SEMA3A: variants seen among roughly 807,000 people sequenced by gnomAD.
SEMA3A encodes the protein semaphorin-3A.
A neutral mutation model predicts 97.9 loss-of-function variants in SEMA3A; 29 were observed. That is an observed-to-expected ratio of 0.30 (90% confidence interval 0.22 to 0.40). SEMA3A has a LOEUF of 0.40. Among genes scored for constraint, SEMA3A ranks in the 10% least tolerant of loss-of-function variants. The probability of loss-of-function intolerance (pLI) is 1.00; values close to 1 mark genes in which losing one functional copy is unlikely to be tolerated. For missense variants in SEMA3A, 763 were observed against 951.3 expected (o/e 0.80, Z 2.60); for synonymous variants, 321 against 323.7 (o/e 0.99, Z 0.09).
chr7:84,027,254 T>A (rs746064550), intron 6 of SEMA3A, among the ~76,000 whole-genome samples: 12 of 152,198 alleles, frequency 7.9e-5, no homozygotes, highest in Admixed American at 2.0e-4. Context: ...TTTCCTTGTA[T>A]CCTCCTATCT....
At chr7:84,072,381 T>A (rs1052823644) in intron 4 of SEMA3A, among the ~76,000 whole-genome samples, 5 of 152,086 alleles carry the variant, frequency 3.3e-5, no homozygotes, top group African/African-American at 1.2e-4. Context: ...CTCCTGTGTA[T>A]CCCATCATTC....
At chr7:83,988,646 T>C (rs371073753) in intron 12 of SEMA3A, among the ~76,000 whole-genome samples, 31 of 152,136 alleles carry the variant, frequency 2.0e-4, no homozygotes, top group African/African-American at 7.2e-4. Flanking sequence ...TGTAATGGTA[T>C]AATTTAGAGA....
At chr7:84,455,391 A>G (rs1157088443) in intron 1 of SEMA3A, among the ~76,000 whole-genome samples, 1 of 152,006 alleles carries the variant, frequency 6.6e-6, no homozygotes, top group Non-Finnish European at 1.5e-5. Context: ...AATATTTTCC[A>G]TTCCATTGAA....
intron 3 of SEMA3A, among the ~76,000 whole-genome samples, chr7:84,111,210 C>A (rs1034871317): frequency 6.6e-6 from 1 of 152,042 alleles, no homozygotes; most frequent in East Asian, 1.9e-4. Context: ...GAATTAAGAA[C>A]CAAATATGTA....
chr7:84,133,692 CAT>C lies in SEMA3A; in HGVS notation c.270+1100_270+1101del, dbSNP rs375505547. 2.8e-3 allele frequency among the ~76,000 whole-genome samples: 423 copies of C among 152,076 alleles called. 1 individual carries two copies. The highest frequency in any genetic ancestry group is 9.7e-3 in the African/African-American group (401 of 41,454). On this transcript the variant is annotated intron_variant, in intron 2 of 16. Transcript: ENST00000265362. ...TAAAATGGTTCACTTAGACACAACA[CAT>C]ATAGACTTAGTAGCACAATTTTCAC...
At chr7:84,299,322 A>ATC (rs1554359994) in intron 3 of SEMA3A, among the ~76,000 whole-genome samples, 8 of 114,710 alleles carry the variant, frequency 7.0e-5, no homozygotes, top group East Asian at 4.6e-4. Flanking sequence ...ATATATATAT[A>ATC]TCTCCATATA....
chr7:84,151,180 C>T (rs1415692669), intron 1 of SEMA3A, among the ~76,000 whole-genome samples: 22 of 151,812 alleles, frequency 1.4e-4, no homozygotes, highest in Middle Eastern at 3.2e-3. Flanking sequence ...AAAATCAGAG[C>T]GCCTCTCCTC....
intron 1 of SEMA3A, among the ~76,000 whole-genome samples, chr7:84,438,808 AAGCCCAT>A (rs1245680312): frequency 6.6e-6 from 1 of 152,062 alleles, no homozygotes; most frequent in Non-Finnish European, 1.5e-5. Flanking sequence ...CAGTCCTTGG[AAGCCCAT>A]AGTCTACATA....
intron 6 of SEMA3A, among the ~76,000 whole-genome samples, chr7:84,041,655 T>C (rs1228099674): frequency 6.6e-6 from 1 of 152,052 alleles, no homozygotes; most frequent in Non-Finnish European, 1.5e-5. Flanking sequence ...AATTCAAACG[T>C]TTTAAAATAC....
At chr7:84,343,627 C>T (rs534056197) in intron 2 of SEMA3A, among the ~76,000 whole-genome samples, 1 of 152,176 alleles carries the variant, frequency 6.6e-6, no homozygotes, top group African/African-American at 2.4e-5. Context: ...AGCTGAGGTG[C>T]TATGAGAAAG....
intron 12 of SEMA3A, among the ~76,000 whole-genome samples, chr7:84,000,711 TTTG>T (rs1790405621): frequency 6.6e-6 from 1 of 152,166 alleles, no homozygotes; most frequent in Admixed American, 6.5e-5. Context: ...CACTGTGTAG[TTTG>T]TTATTACAAA....
intron 1 of SEMA3A, among the ~76,000 whole-genome samples, chr7:84,486,368 CAG>C (rs1806574282): frequency 6.6e-6 from 1 of 152,136 alleles, no homozygotes; most frequent in African/African-American, 2.4e-5. Flanking sequence ...AGCCTGGCGA[CAG>C]GGCGAGATTC....
chr7:84,072,840 A>T (rs1302661684), intron 4 of SEMA3A, among the ~76,000 whole-genome samples: 8 of 152,144 alleles, frequency 5.3e-5, no homozygotes. Flanking sequence ...CTTCATGTAT[A>T]TATTATTTCA....
chr7:84,153,499 AT>A (rs575287464), intron 1 of SEMA3A, among the ~76,000 whole-genome samples: 5 of 152,204 alleles, frequency 3.3e-5, no homozygotes, highest in African/African-American at 4.8e-5. Context: ...TAAAAGGTGA[AT>A]TTTTTCCCCC....
intron 3 of SEMA3A, among the ~76,000 whole-genome samples, chr7:84,208,524 G>C (rs573357033): frequency 6.6e-6 from 1 of 152,130 alleles, no homozygotes; most frequent in Non-Finnish European, 1.5e-5. Flanking sequence ...GGGAGGCAAT[G>C]TAAGACTAGC....
intron 1 of SEMA3A, among the ~76,000 whole-genome samples, chr7:84,184,869 G>T (rs547714331): frequency 4.0e-4 from 61 of 152,226 alleles, no homozygotes; most frequent in African/African-American, 1.4e-3. Context: ...AAGTACCAGT[G>T]CCCAGAAGAG....
At position 83,963,235 on chromosome 7, in the gene SEMA3A, G is replaced by T; in HGVS notation, c.1830C>A (p.Phe610Leu). Residue 610 changes from phenylalanine (F) to leucine (L), a missense_variant, in exon 16 of 17, where the codon TTC (phenylalanine) becomes TTA (leucine). Phe to Leu is a conservative substitution (Grantham distance 22). Coordinates refer to ENST00000265362, the MANE Select transcript of SEMA3A (RefSeq NM_006080.3). Reference sequence around the variant, plus strand: ...CTTTTCGCTCTTCATTTCGCCTCTGGAATTGCCAATAGACCAGCGCTCTCT... The same window carrying T: ...CTTTTCGCTCTTCATTTCGCCTCTGTAATTGCCAATAGACCAGCGCTCTCT... The part of the protein sequence containing the change: ...KSQRALVYWQ[F>L]QRRNEERKEE... 1.9e-6 allele frequency: 3 copies of T among 1,613,392 alleles called. No homozygotes were observed. Among genetic ancestry groups the T allele is most frequent in the Non-Finnish European group, 2.5e-6 (3 of 1,179,982 alleles).
chr7:84,162,889 GATTT>G (rs1797082940), intron 1 of SEMA3A, among the ~76,000 whole-genome samples: 1 of 152,150 alleles, frequency 6.6e-6, no homozygotes, highest in Non-Finnish European at 1.5e-5. Flanking sequence ...AGCTGCATTA[GATTT>G]GTTTCATGAA....
At chr7:84,422,311 G>A (rs191302699) in intron 1 of SEMA3A, among the ~76,000 whole-genome samples, 40 of 152,056 alleles carry the variant, frequency 2.6e-4, no homozygotes, top group African/African-American at 9.4e-4. Context: ...GCCTAGAGGT[G>A]TTTATAGTAT....
Sources: allele counts gnomAD v4.1 joint callset (sites outside exome capture counted in the v4.1 genomes callset), GRCh38; gene constraint gnomAD v4.1.1; transcripts MANE v1.5; gene names NCBI Gene and HGNC (gene_info 2026-07-23, HGNC 2026-07-21).